Variants in DNAH11 observed in about 807,000 individuals in gnomAD.
DNAH11 encodes dynein axonemal heavy chain 11.
Under a neutral mutation model 526.0 loss-of-function variants are expected in DNAH11, and 442 were observed. That is an observed-to-expected ratio of 0.84 (90% CI 0.78 to 0.91). DNAH11 has a LOEUF of 0.91. Ranked by LOEUF, DNAH11 falls within the 40% of genes least tolerant of loss-of-function variation. The pLI, the probability that DNAH11 is intolerant of heterozygous loss-of-function variation, is 0.00. For synonymous variants in DNAH11, 2,461 were observed against 1,935.9 expected (o/e 1.27, Z -7.12); for missense variants, 6,989 against 5,448.7 (o/e 1.28, Z -8.90).
intron 25 of DNAH11, among the ~76,000 whole-genome samples, chr7:21,623,879 T>C (rs1343911299): frequency 6.6e-6 from 1 of 151,742 alleles, no homozygotes; most frequent in Non-Finnish European, 1.5e-5. Flanking sequence ...GACGAGTTAA[T>C]GGGTGCAGCA....
At chr7:21,830,605 T>C (rs1461775495) in intron 65 of DNAH11, among the ~76,000 whole-genome samples, 1 of 152,148 alleles carries the variant, frequency 6.6e-6, no homozygotes, top group East Asian at 1.9e-4. Context: ...ACTAGGAGTC[T>C]AGAGACCCAG....
chr7:21,819,053 TTCAA>T (rs1396270844), intron 65 of DNAH11, among the ~76,000 whole-genome samples: 1 of 152,180 alleles, frequency 6.6e-6, no homozygotes, highest in Non-Finnish European at 1.5e-5. Context: ...CAATTGTGTC[TTCAA>T]TCAAGTCTGG....
chr7:21,899,471 C>T, intron 80 of DNAH11, 23 bp downstream of exon 80: 2 of 1,572,802 alleles, frequency 1.3e-6, no homozygotes, highest in Non-Finnish European at 1.7e-6. Context: ...GCAGTGCAGC[C>T]CCTGATGCAC....
At chr7:21,806,894 C>T (rs572190099) in intron 62 of DNAH11, among the ~76,000 whole-genome samples, 1 of 152,234 alleles carries the variant, frequency 6.6e-6, no homozygotes, top group South Asian at 2.1e-4. Context: ...CAACAGCATT[C>T]TTGGGGAGTA....
At chr7:21,844,453 G>T (rs1233735682) in intron 66 of DNAH11, among the ~76,000 whole-genome samples, 1 of 151,904 alleles carries the variant, frequency 6.6e-6, no homozygotes, top group African/African-American at 2.4e-5. Context: ...ACAAAAAACG[G>T]ACTTGTTCAT....
In DNAH11 at chr7:21,570,052, C is replaced by G. The variant is rs1783824462; in HGVS notation, c.1195-17C>G. 1.3e-6 allele frequency: 2 copies of G among 1,552,076 alleles called. No individual in the cohort carries two copies. The highest frequency in any genetic ancestry group is 2.0e-5 in the Admixed American group (1 of 50,386). On this transcript the variant is annotated splice_polypyrimidine_tract_variant and intron_variant, in intron 6 of 81. Coordinates refer to ENST00000409508, the MANE Select transcript of DNAH11 (RefSeq NM_001277115.2). Reference sequence around the variant, plus strand: ...TAAACATAGTTTTGATCATTGTTCCCTTTCATTAAATCCTAGGCAACAGCT... The same window carrying G: ...TAAACATAGTTTTGATCATTGTTCCGTTTCATTAAATCCTAGGCAACAGCT...
intron 8 of DNAH11, among the ~76,000 whole-genome samples, chr7:21,581,398 T>G (rs1252789032): frequency 6.6e-6 from 1 of 152,188 alleles, no homozygotes; most frequent in Non-Finnish European, 1.5e-5. Flanking sequence ...ACTAATGATA[T>G]TTTCTTACCA....
chr7:21,723,373 C>T (rs1784957079), intron 44 of DNAH11, among the ~76,000 whole-genome samples: 2 of 152,214 alleles, frequency 1.3e-5, no homozygotes, highest in African/African-American at 4.8e-5. Context: ...GTTCAAACAG[C>T]AGCGGACTGA....
chr7:21,823,737 A>C (rs1002135283), intron 65 of DNAH11, among the ~76,000 whole-genome samples: 3 of 152,202 alleles, frequency 2.0e-5, no homozygotes, highest in Non-Finnish European at 4.4e-5. Flanking sequence ...TTCTGTTACT[A>C]GGTGGATTAA....
At chr7:21,776,935 CGTGT>C (rs3061429) in intron 56 of DNAH11, among the ~76,000 whole-genome samples, 44,833 of 149,498 alleles carry the variant, frequency 0.3, 7,582 homozygotes, top group Non-Finnish European at 0.39. Context: ...TTTATTTGTA[CGTGT>C]GTGTGTGTGT....
In DNAH11 at chr7:21,690,624, T is replaced by C. The variant is rs571398287; in HGVS notation, c.5925-141T>C. ...TGCTTCAAAACATATTCAAAATATG[T>C]ATGGGCTTATGAATTTTAAAGAAAA... is the stretch of plus-strand genomic sequence containing the variant. On this transcript the variant is annotated intron_variant, in intron 34 of 81. Coordinates refer to ENST00000409508, the MANE Select transcript of DNAH11 (RefSeq NM_001277115.2). The C allele has an allele frequency of 1.7e-5, 10 of 603,792 alleles. No homozygotes were observed. In the East Asian group the frequency reaches 3.0e-4, roughly 18 times the overall value. 37.4% of individuals were successfully genotyped at this position (603,792 alleles called of 1,614,324 possible). A position where few individuals can be genotyped will look rare whatever the true frequency, so the allele number is the denominator to read the frequency against.
In DNAH11 at chr7:21,787,568, C is replaced by T. The variant is rs746117975; in HGVS notation, c.9909C>T (p.Ile3303=). The change falls in exon 60 of 82, where the codon ATC becomes ATT. Residue 3303 remains isoleucine, a synonymous_variant. Transcript: ENST00000409508. The part of the protein sequence containing the change: ...AAGLCAWVIN[I]IKFYEVYCDV... ...GCCTGTGTGCCTGGGTCATCAACAT[C>T]ATTAAATTCTATGAGGTATCAATCC... 3.1e-6 allele frequency: 5 copies of T among 1,610,202 alleles called. No individual in the cohort carries two copies. Among genetic ancestry groups the T allele is most frequent in the East Asian group, 4.5e-5 (2 of 44,814 alleles).
intron 37 of DNAH11, chr7:21,703,631 G>A (rs1784146607): frequency 6.6e-6 from 1 of 152,118 alleles, no homozygotes; most frequent in Admixed American, 6.5e-5. Flanking sequence ...CCCACTTGAT[G>A]ATCCAATCAC....
chr7:21,782,188 G>T (rs1443943846), intron 57 of DNAH11, among the ~76,000 whole-genome samples: 1 of 152,148 alleles, frequency 6.6e-6, no homozygotes, highest in Non-Finnish European at 1.5e-5. Flanking sequence ...ATCTGCAAGG[G>T]GCTGTTGACT....
chr7:21,582,409 T>C (rs1784343133), intron 9 of DNAH11, among the ~76,000 whole-genome samples: 1 of 152,210 alleles, frequency 6.6e-6, no homozygotes, highest in South Asian at 2.1e-4. Flanking sequence ...TATTTTATTA[T>C]TCTGACTGAA....
At chr7:21,779,580 C>T (rs1050033741) in intron 57 of DNAH11, among the ~76,000 whole-genome samples, 5 of 152,104 alleles carry the variant, frequency 3.3e-5, no homozygotes, top group African/African-American at 4.8e-5. Flanking sequence ...TTGATTCGAT[C>T]GAGGCCCTGG....
Position 21,618,860 on chromosome 7 carries a change from CAA to C in DNAH11, c.4255-238_4255-237del, listed in dbSNP as rs1231806236. On this transcript the variant is annotated intron_variant, in intron 23 of 81. Coordinates refer to ENST00000409508, the MANE Select transcript of DNAH11 (RefSeq NM_001277115.2). ...GTGCCGACAAGGGAAAGATGTGAAA[CAA>C]AGAAAATAGTGTAGCACGGATGTGA... is the stretch of plus-strand genomic sequence containing the variant. Among the ~76,000 whole-genome samples the C allele has an allele frequency of 5.3e-5, 8 of 152,182 alleles. No individual in the cohort carries two copies. The East Asian group carries it at 1.5e-3, about 29-fold the overall frequency.
Position 21,616,296 on chromosome 7 carries a change from A to G in DNAH11, c.4095+4A>G. ...AGAACTCAGAAGGTTTGCCAAGGCG[A>G]GTTCCATAACTGTCTATTACAACAA... is the stretch of plus-strand genomic sequence containing the variant. On this transcript the variant is annotated splice_donor_region_variant and intron_variant, in intron 22 of 81. Transcript: ENST00000409508. The G allele has an allele frequency of 6.2e-7, 1 of 1,610,030 alleles. No individual in the cohort carries two copies.
chr7:21,745,569 G>T (rs1233772861), intron 51 of DNAH11, among the ~76,000 whole-genome samples: 1 of 152,204 alleles, frequency 6.6e-6, no homozygotes, highest in South Asian at 2.1e-4. Context: ...CACAGACTGT[G>T]CAACCATCTG....
Sources: gnomAD v4.1 joint callset for allele counts (sites outside exome capture counted in the v4.1 genomes callset) on GRCh38, gnomAD v4.1.1 for gene constraint, MANE v1.5 for transcripts, NCBI Gene and HGNC (gene_info 2026-07-23, HGNC 2026-07-21) for gene names.